Variants in RBM20 observed in about 807,000 individuals in gnomAD.
RBM20 encodes RNA binding motif protein 20.
Under a neutral mutation model 110.1 loss-of-function variants are expected in RBM20, and 51 were observed. The observed-to-expected ratio is 0.46, with a 90% CI of 0.37 to 0.59. The LOEUF (loss-of-function observed/expected upper bound fraction) is 0.59. Ranked by LOEUF, RBM20 falls within the 20% of genes least tolerant of loss-of-function variation. RBM20 has a pLI of 0.00. For missense variants in RBM20, 1,512 were observed against 1,574.9 expected, an observed-to-expected ratio of 0.96 and a Z score of 0.68; for synonymous variants, 589 against 618.2, an observed-to-expected ratio of 0.95 and a Z score of 0.70.
intron 1 of RBM20, among the ~76,000 whole-genome samples, chr10:110,674,007 C>A (rs1159890119): frequency 6.6e-6 from 1 of 152,146 alleles, no homozygotes; most frequent in Non-Finnish European, 1.5e-5. Context: ...TGAGGCAAGG[C>A]CAGACTTGAG....
At position 110,784,867 on chromosome 10, in the gene RBM20, C is replaced by G. The variant is rs1170891762; in HGVS notation, c.1505C>G (p.Pro502Arg). 6.5e-7 allele frequency: 1 copy of G among 1,548,268 alleles called. No homozygotes were observed. The highest frequency in any genetic ancestry group is 2.4e-5 in the East Asian group (1 of 40,910). ...RSFTQSSPTF[P>R]LASVGTTFAQ... ...TTCACTCAGTCAAGCCCCACATTTC[C>G]TTTGGCTTCTGTGGGGACAACTGTG... is the stretch of plus-strand genomic sequence containing the variant. The change falls in exon 5 of 14, where the codon CCT (proline) becomes CGT (arginine). Residue 502 changes from proline to arginine, a missense_variant. Transcript: ENST00000369519.
At chr10:110,755,906 G>T (rs537307302) in intron 1 of RBM20, among the ~76,000 whole-genome samples, 1 of 152,320 alleles carries the variant, frequency 6.6e-6, no homozygotes, top group Admixed American at 6.5e-5. Flanking sequence ...GCCCTGAGCT[G>T]CCCTGGAGTG....
At chr10:110,666,035 GGAAA>G (rs1862173283) in intron 1 of RBM20, among the ~76,000 whole-genome samples, 1 of 149,756 alleles carries the variant, frequency 6.7e-6, no homozygotes, top group South Asian at 2.2e-4. Context: ...AAGGAAGGAA[GGAAA>G]GAAAGAAAGC....
chr10:110,705,948 G>T (rs1261550582), intron 1 of RBM20, among the ~76,000 whole-genome samples: 5 of 152,048 alleles, frequency 3.3e-5, no homozygotes, highest in Admixed American at 3.3e-4. Flanking sequence ...CGGGTGTGAT[G>T]GCAGAGTCTT....
At chr10:110,658,777 C>G (rs1421395567) in intron 1 of RBM20, among the ~76,000 whole-genome samples, 7 of 152,118 alleles carry the variant, frequency 4.6e-5, no homozygotes, top group Non-Finnish European at 7.4e-5. Context: ...CCCTCCAGCT[C>G]CAGAACTTCC....
intron 3 of RBM20, 83 bp downstream of exon 3, chr10:110,783,510 T>C (rs1414320899): frequency 1.8e-6 from 2 of 1,139,628 alleles, no homozygotes; most frequent in Non-Finnish European, 2.6e-6. Context: ...CACGCTGTTT[T>C]GAGTCCTGGG....
chr10:110,781,970 A>G, intron 2 of RBM20, 86 bp downstream of exon 2: 2 of 1,500,006 alleles, frequency 1.3e-6, no homozygotes, highest in Non-Finnish European at 1.8e-6. Context: ...GCCAATGGGC[A>G]AGGAACTGTT....
rs939425427 is a variant in RBM20 at position 110,783,399 on chromosome 10, G to C, written c.1309G>C (p.Ala437Pro). ...WELHVKGKLH[A>P]QKCLVFSENA... ...GCTGCATGTGAAAGGGAAGCTGCAC[G>C]CTCAGAAATGCCTGGTCTTCTCTGA... Residue 437 changes from alanine (A) to proline (P), a missense_variant, in exon 3 of 14, where the codon GCT (alanine) becomes CCT (proline). By Grantham distance (27) the Ala-to-Pro change is conservative. Coordinates refer to ENST00000369519, the MANE Select transcript of RBM20 (RefSeq NM_001134363.3). 3 of 1,551,442 alleles carry C rather than the reference G, an allele frequency of 1.9e-6. No homozygotes were observed. Among genetic ancestry groups the C allele is most frequent in the Admixed American group, 2.0e-5 (1 of 50,994 alleles).
chr10:110,780,755 C>G (rs140119703), intron 1 of RBM20, 46 bp from the exon 2 acceptor site: 9 of 1,468,700 alleles, frequency 6.1e-6, no homozygotes, highest in African/African-American at 5.7e-5. Context: ...CCCTTGCCCC[C>G]CTCATTGAAA....
At position 110,781,305 on chromosome 10, in the gene RBM20, C is replaced by A. The variant is rs1219073487; in HGVS notation, c.696C>A (p.Gly232=). 6.4e-7 allele frequency: 1 copy of A among 1,551,566 alleles called. No homozygotes were observed. The highest frequency in any genetic ancestry group is 1.4e-5 in the African/African-American group (1 of 73,044). ...APATAGFYEY[G]KASSGQTYGP... Reference sequence around the variant, plus strand: ...CTACAGCAGGATTCTATGAGTATGGCAAAGCCAGCTCTGGCCAGACATATG... The same window carrying A: ...CTACAGCAGGATTCTATGAGTATGGAAAAGCCAGCTCTGGCCAGACATATG... The change falls in exon 2 of 14, where the codon GGC becomes GGA. Residue 232 remains glycine (G), a synonymous_variant. Coordinates refer to ENST00000369519, the MANE Select transcript of RBM20 (RefSeq NM_001134363.3).
chr10:110,755,673 T>G (rs1349548691), intron 1 of RBM20, among the ~76,000 whole-genome samples: 4 of 152,334 alleles, frequency 2.6e-5, no homozygotes, highest in Non-Finnish European at 1.5e-5. Flanking sequence ...AGTAGCCACA[T>G]GGGATATTGA....
chr10:110,778,229 C>A (rs1197552635), intron 1 of RBM20, among the ~76,000 whole-genome samples: 1 of 152,210 alleles, frequency 6.6e-6, no homozygotes. Flanking sequence ...GCCTGTTCTG[C>A]CCTTGGAGCA....
intron 1 of RBM20, among the ~76,000 whole-genome samples, chr10:110,681,141 A>C (rs532179941): frequency 6.6e-6 from 1 of 152,346 alleles, no homozygotes; most frequent in African/African-American, 2.4e-5. Flanking sequence ...AGACCTCTGC[A>C]GAAGGCATTT....
In RBM20 at chr10:110,764,273, GCAAACAAA is replaced by G. The variant is rs57543043; in HGVS notation, c.192-16517_192-16510del. ...AAAACCCAGAGTAAAAAGCAAGCAA[GCAAACAAA>G]CAAACAAACAGACCACCACCACCAC... On this transcript the variant is annotated intron_variant, in intron 1 of 13. Transcript: ENST00000369519. Among the ~76,000 whole-genome samples, 6 of 151,492 alleles carry G rather than the reference GCAAACAAA, an allele frequency of 4.0e-5. No individual in the cohort carries two copies. In the South Asian group the frequency reaches 1.0e-3, roughly 26 times the overall value.
At chr10:110,765,097 A>G (rs1844062256) in intron 1 of RBM20, among the ~76,000 whole-genome samples, 1 of 152,184 alleles carries the variant, frequency 6.6e-6, no homozygotes, top group African/African-American at 2.4e-5. Context: ...CAGGAAGTCT[A>G]GATGCTCTTT....
At chr10:110,672,893 A>G (rs367705723) in intron 1 of RBM20, among the ~76,000 whole-genome samples, 1 of 152,232 alleles carries the variant, frequency 6.6e-6, no homozygotes, top group Non-Finnish European at 1.5e-5. Context: ...TTGTCTATAC[A>G]TACGTTAGAT....
At chr10:110,666,481 G>A (rs10749042) in intron 1 of RBM20, among the ~76,000 whole-genome samples, 111,716 of 152,010 alleles carry the variant, frequency 0.73, 41,366 homozygotes, top group East Asian at 1. Context: ...CATGTCTACA[G>A]AAAGTTTTTA....
chr10:110,686,254 C>T (rs1272651319), intron 1 of RBM20, among the ~76,000 whole-genome samples: 2 of 152,086 alleles, frequency 1.3e-5, no homozygotes, highest in Non-Finnish European at 1.5e-5. Flanking sequence ...ACTTTCCTTA[C>T]TCTTTATTAT....
chr10:110,700,144 AG>A (rs1862736155), intron 1 of RBM20, among the ~76,000 whole-genome samples: 1 of 152,138 alleles, frequency 6.6e-6, no homozygotes, highest in African/African-American at 2.4e-5. Context: ...ACTGTGGGTA[AG>A]GGGGGACTAC....
Sources: gnomAD v4.1 joint callset for allele counts (sites outside exome capture counted in the v4.1 genomes callset) on GRCh38, gnomAD v4.1.1 for gene constraint, MANE v1.5 for transcripts, NCBI Gene and HGNC (gene_info 2026-07-23, HGNC 2026-07-21) for gene names.